Variants in POU6F2 observed in about 807,000 individuals in gnomAD.
POU6F2 encodes the protein POU domain, class 6, transcription factor 2.
A neutral mutation model predicts 71.3 loss-of-function variants in POU6F2; 31 were observed. The ratio of observed to expected loss-of-function variants is 0.43; its 90% CI spans 0.33 to 0.59. POU6F2 has a LOEUF of 0.59. Among genes scored for constraint, POU6F2 ranks in the 20% least tolerant of loss-of-function variants. The pLI, the probability that POU6F2 is intolerant of heterozygous loss-of-function variation, is 0.04. For synonymous variants in POU6F2, 347 were observed against 355.7 expected (o/e 0.98, Z 0.27); for missense variants, 783 against 856.8 (o/e 0.91, Z 1.07).
intron 5 of POU6F2, among the ~76,000 whole-genome samples, chr7:39,370,534 G>C (rs1444814544): frequency 6.6e-6 from 1 of 152,194 alleles, no homozygotes; most frequent in East Asian, 1.9e-4. Flanking sequence ...TGAATCAGTA[G>C]TAGTTATTCA....
chr7:39,092,310 C>T (rs967983696), intron 2 of POU6F2, among the ~76,000 whole-genome samples: 1 of 152,126 alleles, frequency 6.6e-6, no homozygotes, highest in Non-Finnish European at 1.5e-5. Context: ...AATATCCAGC[C>T]TGGCTCTGGA....
rs369669869 is a variant in POU6F2, at chr7:39,040,137, A to T, written c.106-45723A>T. 2.2e-5 allele frequency among the ~76,000 whole-genome samples: 2 copies of T among 92,336 alleles called. 1 individual carries two copies. Among genetic ancestry groups the T allele is most frequent in the Admixed American group, 2.8e-4 (2 of 7,070 alleles). The allele number at this position is 92,336 out of a possible 152,430, so 60.6% of individuals were successfully genotyped here. A position where few individuals can be genotyped will look rare whatever the true frequency, so the allele number is the denominator to read the frequency against. On this transcript the variant is annotated intron_variant, in intron 1 of 9. Transcript: ENST00000518318. ...ATACATTTATATATATATATATATA[A>T]ATCCCAGATTGACTGAGTTAATCCA...
chr7:39,223,075 G>A (rs1161174820), intron 4 of POU6F2, among the ~76,000 whole-genome samples: 1 of 152,084 alleles, frequency 6.6e-6, no homozygotes, highest in African/African-American at 2.4e-5. Context: ...AAGTTTTTTG[G>A]TTTGTTTTGG....
intron 2 of POU6F2, among the ~76,000 whole-genome samples, chr7:39,087,714 A>G (rs1223892112): frequency 2.0e-5 from 3 of 152,178 alleles, no homozygotes; most frequent in Non-Finnish European, 4.4e-5. Context: ...CAGATAATAC[A>G]TTTTTGTTCC....
At chr7:39,385,199 T>G (rs1478778633) in intron 5 of POU6F2, among the ~76,000 whole-genome samples, 1 of 152,150 alleles carries the variant, frequency 6.6e-6, no homozygotes, top group Non-Finnish European at 1.5e-5. Flanking sequence ...TTCCTGAGGG[T>G]TAAGTTAGAA....
chr7:39,256,633 G>A (rs1270432110), intron 4 of POU6F2, among the ~76,000 whole-genome samples: 2 of 152,134 alleles, frequency 1.3e-5, no homozygotes, highest in Non-Finnish European at 2.9e-5. Context: ...CAGGATTATC[G>A]AGTGGACTCA....
chr7:39,090,780 T>G (rs1017241621), intron 2 of POU6F2, among the ~76,000 whole-genome samples: 1 of 152,238 alleles, frequency 6.6e-6, no homozygotes, highest in Non-Finnish European at 1.5e-5. Flanking sequence ...AAGTGTATTT[T>G]TTAAATCAAC....
chr7:39,459,055 C>T (rs545770480), intron 8 of POU6F2, among the ~76,000 whole-genome samples: 1 of 152,272 alleles, frequency 6.6e-6, no homozygotes, highest in Admixed American at 6.5e-5. Flanking sequence ...GCATTGGATG[C>T]CAACCCCCTA....
chr7:39,161,197 C>G (rs893566284), intron 2 of POU6F2, among the ~76,000 whole-genome samples: 7 of 152,188 alleles, frequency 4.6e-5, no homozygotes, highest in Non-Finnish European at 1.0e-4. Flanking sequence ...TCTCTTTTCT[C>G]CTGTTTGCCT....
chr7:39,132,815 T>G (rs1187189862), intron 2 of POU6F2: 2 of 152,190 alleles, frequency 1.3e-5, no homozygotes, highest in Non-Finnish European at 2.9e-5. Context: ...CTACTTAAGA[T>G]GGATTTTTTT....
intron 4 of POU6F2, among the ~76,000 whole-genome samples, chr7:39,252,601 T>G (rs1055671849): frequency 3.3e-5 from 5 of 152,174 alleles, no homozygotes; most frequent in Admixed American, 6.5e-5. Context: ...AACATCAAGT[T>G]ATAAATGAGC....
At chr7:39,171,913 G>A (rs1793225406) in intron 2 of POU6F2, among the ~76,000 whole-genome samples, 1 of 152,186 alleles carries the variant, frequency 6.6e-6, no homozygotes, top group Non-Finnish European at 1.5e-5. Context: ...AAGGAGTAGG[G>A]CCATCAGGCA....
At chr7:39,388,398 C>T (rs1052551972) in intron 5 of POU6F2, among the ~76,000 whole-genome samples, 3 of 152,190 alleles carry the variant, frequency 2.0e-5, no homozygotes, top group South Asian at 4.1e-4. Context: ...TCACTGCAAC[C>T]TTTGCCTCCT....
chr7:39,110,236 A>G (rs1475366657), intron 2 of POU6F2, among the ~76,000 whole-genome samples: 5 of 147,176 alleles, frequency 3.4e-5, no homozygotes, highest in Non-Finnish European at 7.4e-5. Flanking sequence ...GCATCACTGC[A>G]CTCCAGGCTG....
At chr7:39,327,508 A>G (rs1785535955) in intron 4 of POU6F2, among the ~76,000 whole-genome samples, 1 of 151,930 alleles carries the variant, frequency 6.6e-6, no homozygotes, top group Middle Eastern at 3.2e-3. Context: ...ATGGTGGTAT[A>G]TGCCTGTAGT....
intron 2 of POU6F2, among the ~76,000 whole-genome samples, chr7:39,170,856 C>T (rs1793204948): frequency 6.6e-6 from 1 of 151,772 alleles, no homozygotes; most frequent in African/African-American, 2.4e-5. Context: ...GCCGTTCTGC[C>T]TATGAAGTAG....
At chr7:39,140,150 G>A (rs919312062) in intron 2 of POU6F2, among the ~76,000 whole-genome samples, 1 of 152,120 alleles carries the variant, frequency 6.6e-6, no homozygotes, top group African/African-American at 2.4e-5. Context: ...TATTAATCCT[G>A]CAAATGTATC....
intron 5 of POU6F2, among the ~76,000 whole-genome samples, chr7:39,355,369 A>G (rs757823646): frequency 6.6e-6 from 1 of 152,232 alleles, no homozygotes; most frequent in Non-Finnish European, 1.5e-5. Context: ...ATACAAATGA[A>G]CATATATAGT....
At chr7:39,030,511 T>C (rs1475937361) in intron 1 of POU6F2, among the ~76,000 whole-genome samples, 2 of 95,576 alleles carry the variant, frequency 2.1e-5, no homozygotes, top group Non-Finnish European at 4.1e-5. Context: ...TATATATATA[T>C]ATATATATAT....
Sources: allele counts gnomAD v4.1 joint callset (sites outside exome capture counted in the v4.1 genomes callset), GRCh38; gene constraint gnomAD v4.1.1; transcripts MANE v1.5; gene names NCBI Gene and HGNC (gene_info 2026-07-23, HGNC 2026-07-21).